Variants in TMEM181 observed in about 807,000 individuals in gnomAD.
The protein encoded by TMEM181 is transmembrane protein 181.
TMEM181 carries 39 observed loss-of-function variants against 71.9 expected under a neutral mutation model. The observed-to-expected ratio is 0.54, with a 90% CI of 0.42 to 0.71. TMEM181 has a LOEUF of 0.71. Among genes scored for constraint, TMEM181 ranks in the 30% least tolerant of loss-of-function variants. The pLI, the probability that TMEM181 is intolerant of heterozygous loss-of-function variation, is 0.00. For synonymous variants in TMEM181, 245 were observed against 228.8 expected, an observed-to-expected ratio of 1.07 and a Z score of -0.64; for missense variants, 595 against 583.0, an observed-to-expected ratio of 1.02 and a Z score of -0.21.
chr6:158,589,802 GCA>G lies in TMEM181; in HGVS notation c.492+22_492+23del, dbSNP rs768368052. ...TTCACAGTAAGTATACCAGCTGACTGCACGTTTCCATGGCTCATGTTCTAGTT... is the reference window on the plus strand; with the variant it reads ...TTCACAGTAAGTATACCAGCTGACTGCGTTTCCATGGCTCATGTTCTAGTT... On this transcript the variant is annotated intron_variant, in intron 6 of 16. Coordinates refer to ENST00000684151, the MANE Select transcript of TMEM181 (RefSeq NM_001376852.1). 2 of 1,530,060 alleles carry G rather than the reference GCA, an allele frequency of 1.3e-6. No homozygotes were observed. Among genetic ancestry groups the G allele is most frequent in the South Asian group, 2.3e-5 (2 of 88,794 alleles). 94.8% of individuals were successfully genotyped at this position (1,530,060 alleles called of 1,614,324 possible). A position where few individuals can be genotyped will look rare whatever the true frequency, so the allele number is the denominator to read the frequency against.
At chr6:158,619,477 C>A (rs1199468880) in intron 10 of TMEM181, among the ~76,000 whole-genome samples, 1 of 152,170 alleles carries the variant, frequency 6.6e-6, no homozygotes, top group East Asian at 1.9e-4. Flanking sequence ...TATTACCGAT[C>A]TTCTGAAGCC....
chr6:158,585,171 G>A (rs1350416277), intron 4 of TMEM181, 133 bp from the exon 5 acceptor site: 1 of 899,286 alleles, frequency 1.1e-6, no homozygotes, highest in Non-Finnish European at 1.6e-6. Context: ...ATTTTCAAAT[G>A]TGCTGAGGCC....
chr6:158,557,172 C>T (rs1425240016), upstream of TMEM181, among the ~76,000 whole-genome samples: 1 of 152,166 alleles, frequency 6.6e-6, no homozygotes, highest in Non-Finnish European at 1.5e-5. Flanking sequence ...CCCAGGAGTT[C>T]AAGACCAGCC....
intron 1 of TMEM181, among the ~76,000 whole-genome samples, chr6:158,569,937 C>T (rs889585776): frequency 2.6e-5 from 4 of 152,122 alleles, no homozygotes; most frequent in Admixed American, 6.5e-5. Flanking sequence ...CTTTTTGCAA[C>T]GTTCCTTCTC....
At chr6:158,584,146 A>C (rs1042830018) in intron 4 of TMEM181, 102 bp downstream of exon 4, 6 of 946,662 alleles carry the variant, frequency 6.3e-6, no homozygotes, top group Admixed American at 2.6e-5. Context: ...GCTCAAAGAT[A>C]GATGTATAAG....
chr6:158,550,343 C>A (rs1441317305), intron 1 of TMEM181, among the ~76,000 whole-genome samples: 1 of 151,736 alleles, frequency 6.6e-6, no homozygotes, highest in African/African-American at 2.4e-5. Context: ...CCACGCCCGG[C>A]CGAGACTTGT....
At chr6:158,557,416 C>T (rs186453906), upstream of TMEM181, among the ~76,000 whole-genome samples, 2 of 152,246 alleles carry the variant, frequency 1.3e-5, no homozygotes, top group East Asian at 3.9e-4. Flanking sequence ...TCACACCAGG[C>T]TTCTTAGAGC....
At position 158,628,969 on chromosome 6, in the gene TMEM181, C is replaced by T. The variant is rs559866320; in HGVS notation, c.1192+479C>T. ...TCTCTCATCATCACGGAGATGTATC[C>T]AAGGGTATGACAGTTGTGGCAGGTT... On this transcript the variant is annotated intron_variant, in intron 14 of 16. Coordinates refer to ENST00000684151, the MANE Select transcript of TMEM181 (RefSeq NM_001376852.1). Among the ~76,000 whole-genome samples the T allele has an allele frequency of 5.9e-5, 9 of 152,270 alleles. No homozygotes were observed. In the South Asian group the frequency reaches 1.9e-3, roughly 32 times the overall value.
chr6:158,599,755 T>C (rs867508042), intron 6 of TMEM181, among the ~76,000 whole-genome samples: 2 of 152,182 alleles, frequency 1.3e-5, no homozygotes, highest in Non-Finnish European at 1.5e-5. Flanking sequence ...CTGTGTGTCA[T>C]GGAGGGGCCA....
chr6:158,554,443 C>T (rs1039777070), intron 1 of TMEM181, among the ~76,000 whole-genome samples: 4 of 152,194 alleles, frequency 2.6e-5, no homozygotes, highest in African/African-American at 4.8e-5. Flanking sequence ...TGGTCTCGAA[C>T]TCCTGACCGC....
intron 14 of TMEM181, 151 bp downstream of exon 14, chr6:158,628,641 T>G: frequency 1.5e-6 from 1 of 663,526 alleles, no homozygotes; most frequent in South Asian, 1.8e-5. Context: ...GGTGTCTCAG[T>G]TGGCCCCGCT....
intron 1 of TMEM181, among the ~76,000 whole-genome samples, chr6:158,552,174 A>C (rs1003885790): frequency 3.9e-5 from 6 of 152,256 alleles, no homozygotes; most frequent in African/African-American, 7.2e-5. Flanking sequence ...AATCGAATTG[A>C]GATAACACAG....
intron 1 of TMEM181, among the ~76,000 whole-genome samples, chr6:158,569,704 G>T (rs1029439279): frequency 2.0e-5 from 3 of 151,810 alleles, no homozygotes; most frequent in African/African-American, 7.3e-5. Context: ...GGGTTCAAGC[G>T]ATTCTCCTGC....
intron 2 of TMEM181, among the ~76,000 whole-genome samples, chr6:158,580,512 T>C (rs1366501665): frequency 6.6e-6 from 1 of 152,230 alleles, no homozygotes; most frequent in Non-Finnish European, 1.5e-5. Flanking sequence ...CCTTAATAAG[T>C]ATTTTTGGAA....
intron 1 of TMEM181, among the ~76,000 whole-genome samples, chr6:158,565,122 C>A (rs773445045): frequency 5.3e-5 from 8 of 152,238 alleles, no homozygotes; most frequent in Non-Finnish European, 8.8e-5. Flanking sequence ...CCTCACATCT[C>A]TGTCCCTCTC....
rs6455594 is a variant in TMEM181, at chr6:158,608,237, C to G, written c.674-96C>G. 767 of 783,692 alleles carry G rather than the reference C, an allele frequency of 9.8e-4. 5 individuals are homozygous for G. The African/African-American group carries it at 0.017, about 17-fold the overall frequency. The allele number at this position is 783,692 out of a possible 1,614,324, so 48.5% of individuals were successfully genotyped here. A position where few individuals can be genotyped will look rare whatever the true frequency, so the allele number is the denominator to read the frequency against. On this transcript the variant is annotated intron_variant, in intron 8 of 16. Transcript: ENST00000684151. ...TGACCCCGCAGAGGTATGGGGTGCT[C>G]TCTGCTAGGTGCTGACCCCGCAGAG...
intron 1 of TMEM181, among the ~76,000 whole-genome samples, chr6:158,564,618 A>G (rs896561569): frequency 6.6e-6 from 1 of 152,228 alleles, no homozygotes; most frequent in Non-Finnish European, 1.5e-5. Flanking sequence ...AGTTCTTGCC[A>G]CGCTGTTCTG....
intron 1 of TMEM181, among the ~76,000 whole-genome samples, chr6:158,571,723 G>T (rs965558796): frequency 1.3e-5 from 2 of 152,238 alleles, no homozygotes; most frequent in South Asian, 4.1e-4. Context: ...ACTTTGCAGG[G>T]CTTGCCCAGA....
At chr6:158,545,932 G>T (rs1781513326) in intron 1 of TMEM181, among the ~76,000 whole-genome samples, 1 of 152,122 alleles carries the variant, frequency 6.6e-6, no homozygotes, top group Admixed American at 6.6e-5. Flanking sequence ...AAGTAATCTT[G>T]GTTGTTTACT....
Sources: gnomAD v4.1 joint callset for allele counts (sites outside exome capture counted in the v4.1 genomes callset) on GRCh38, gnomAD v4.1.1 for gene constraint, MANE v1.5 for transcripts, NCBI Gene and HGNC (gene_info 2026-07-23, HGNC 2026-07-21) for gene names.